The following RARB variants were observed in gnomAD, a reference collection of about 807,000 sequenced individuals.
The protein encoded by RARB is retinoic acid receptor beta, also known as HBV-activated protein.
RARB carries 17 observed loss-of-function variants against 51.9 expected under a neutral mutation model. The observed-to-expected ratio is 0.33, with a 90% CI of 0.22 to 0.49. RARB has a LOEUF of 0.49. Ranked by LOEUF, RARB falls within the 20% of genes least tolerant of loss-of-function variation. The pLI is 0.99. For missense variants in RARB, 369 were observed against 550.8 expected (o/e 0.67, Z 3.30); for synonymous variants, 215 against 195.4 (o/e 1.10, Z -0.84).
chr3:25,388,177 G>A (rs908822291), intron 5 of RARB, among the ~76,000 whole-genome samples: 3 of 152,102 alleles, frequency 2.0e-5, no homozygotes, highest in African/African-American at 4.8e-5. Flanking sequence ...CAAAAGTATT[G>A]CAGAAAAGCT....
At chr3:25,010,232 T>G (rs1188600417) in intron 2 of RARB, among the ~76,000 whole-genome samples, 1 of 152,124 alleles carries the variant, frequency 6.6e-6, no homozygotes, top group Admixed American at 6.6e-5. Flanking sequence ...TTAAATGTCT[T>G]TCCTACAGTG....
chr3:24,982,503 G>A (rs761647308), intron 2 of RARB, among the ~76,000 whole-genome samples: 45 of 152,206 alleles, frequency 3.0e-4, no homozygotes, highest in Non-Finnish European at 5.3e-4. Flanking sequence ...GTAGAATGGG[G>A]TAGTCCAGGA....
intron 2 of RARB, among the ~76,000 whole-genome samples, chr3:24,873,427 C>T (rs775318736): frequency 1.3e-5 from 2 of 151,960 alleles, no homozygotes; most frequent in African/African-American, 2.4e-5. Flanking sequence ...CTCTATACTT[C>T]TTATCAGTTG....
chr3:25,085,828 A>G (rs9864928), intron 3 of RARB, among the ~76,000 whole-genome samples: 110,351 of 152,020 alleles, frequency 0.73, 40,665 homozygotes, highest in Admixed American at 0.81. Context: ...AGTGTAGCTG[A>G]AATTCCTTTG....
intron 5 of RARB, among the ~76,000 whole-genome samples, chr3:25,194,474 AGTGTG>A (rs1701182265): frequency 1.3e-5 from 2 of 150,338 alleles, no homozygotes; most frequent in Non-Finnish European, 3.0e-5. Flanking sequence ...TATATACAGT[AGTGTG>A]TATATATATA....
chr3:25,106,048 G>A (rs1559468254), intron 3 of RARB, among the ~76,000 whole-genome samples: 1 of 152,176 alleles, frequency 6.6e-6, no homozygotes, highest in Non-Finnish European at 1.5e-5. Context: ...TGGAAAGACA[G>A]CAAGGACTGT....
chr3:25,419,553 G>A (rs769646886), intron 5 of RARB, among the ~76,000 whole-genome samples: 1 of 152,138 alleles, frequency 6.6e-6, no homozygotes, highest in Non-Finnish European at 1.5e-5. Flanking sequence ...TGGTGCCTTT[G>A]TGTTCACCAA....
chr3:25,096,628 A>T (rs547669422), intron 3 of RARB, among the ~76,000 whole-genome samples: 1 of 152,244 alleles, frequency 6.6e-6, no homozygotes, highest in Non-Finnish European at 1.5e-5. Flanking sequence ...TAAAAATGCA[A>T]TCAAAACGCT....
At chr3:24,889,620 G>C (rs115111698) in intron 2 of RARB, among the ~76,000 whole-genome samples, 62 of 151,074 alleles carry the variant, frequency 4.1e-4, no homozygotes, top group African/African-American at 1.4e-3. Context: ...TATTATTTGA[G>C]TGGTATGTCT....
intron 3 of RARB, among the ~76,000 whole-genome samples, chr3:25,512,226 G>A (rs917272405): frequency 6.6e-6 from 1 of 152,186 alleles, no homozygotes; most frequent in African/African-American, 2.4e-5. Context: ...AAAGATTGGT[G>A]TATTCATTCA....
chr3:25,495,229 A>G (rs1264647403), intron 2 of RARB, among the ~76,000 whole-genome samples: 2 of 152,206 alleles, frequency 1.3e-5, no homozygotes, highest in African/African-American at 4.8e-5. Context: ...ATCTAAAGCA[A>G]TAGTTTGAGG....
intron 3 of RARB, among the ~76,000 whole-genome samples, chr3:25,540,276 C>A (rs73149390): frequency 6.6e-6 from 1 of 152,034 alleles, no homozygotes; most frequent in Admixed American, 6.5e-5. Context: ...TAAGATATTT[C>A]GAGAAGAAAT....
At chr3:25,570,136 GC>G (rs1358437549) in intron 4 of RARB, among the ~76,000 whole-genome samples, 1 of 152,214 alleles carries the variant, frequency 6.6e-6, no homozygotes. Context: ...GCTGAGTGCC[GC>G]CTCACTGCAG....
intron 5 of RARB, among the ~76,000 whole-genome samples, chr3:25,324,897 T>A (rs1704670229): frequency 6.6e-6 from 1 of 152,136 alleles, no homozygotes; most frequent in South Asian, 2.1e-4. Flanking sequence ...GGTTGAAGTG[T>A]TAACAGAAAG....
chr3:25,207,275 C>T (rs1235713740), intron 5 of RARB, among the ~76,000 whole-genome samples: 3 of 152,156 alleles, frequency 2.0e-5, no homozygotes, highest in Non-Finnish European at 4.4e-5. Flanking sequence ...TCTCTGTGAT[C>T]CTCCCCTGTG....
At chr3:25,411,787 C>T (rs539404490) in intron 5 of RARB, among the ~76,000 whole-genome samples, 2 of 152,292 alleles carry the variant, frequency 1.3e-5, no homozygotes, top group African/African-American at 4.8e-5. Flanking sequence ...GCTGGAAAGA[C>T]AGTGACCCTT....
chr3:25,384,153 T>A (rs890488253), intron 5 of RARB, among the ~76,000 whole-genome samples: 13 of 152,172 alleles, frequency 8.5e-5, no homozygotes, highest in African/African-American at 2.9e-4. Flanking sequence ...GCATGTCTGA[T>A]TAGAATGCTC....
chr3:24,986,651 C>T (rs554915728), intron 2 of RARB, among the ~76,000 whole-genome samples: 1 of 152,134 alleles, frequency 6.6e-6, no homozygotes, highest in Non-Finnish European at 1.5e-5. Flanking sequence ...GATCATTAAA[C>T]AAGAGAATAA....
At chr3:25,456,277 A>G (rs75478711) in intron 1 of RARB, among the ~76,000 whole-genome samples, 8,804 of 152,290 alleles carry the variant, frequency 0.058, 378 homozygotes, top group Admixed American at 0.13. Context: ...TGCCTTAAAT[A>G]CCAAAAATGA....
Sources: allele counts gnomAD v4.1 joint callset (sites outside exome capture counted in the v4.1 genomes callset), GRCh38; gene constraint gnomAD v4.1.1; transcripts MANE v1.5; gene names NCBI Gene and HGNC (gene_info 2026-07-23, HGNC 2026-07-21).